PPOX: variants seen among roughly 807,000 people sequenced by gnomAD.
PPOX encodes the protein protoporphyrinogen oxidase.
PPOX carries 23 observed loss-of-function variants against 54.1 expected under a neutral mutation model. The observed-to-expected ratio is 0.43, with a 90% CI of 0.31 to 0.60. The LOEUF is 0.60. Ranked by LOEUF, PPOX falls within the 20% of genes least tolerant of loss-of-function variation. The pLI is 0.13. For synonymous variants in PPOX, 224 were observed against 236.1 expected (o/e 0.95, Z 0.47); for missense variants, 512 against 601.1 (o/e 0.85, Z 1.55).
upstream of PPOX, chr1:161,165,859 C>T: frequency 5.7e-6 from 1 of 174,006 alleles, no homozygotes; most frequent in African/African-American, 2.4e-5. Context: ...GGGGATGGTG[C>T]TGGACCCGGA....
Position 161,167,412 on chromosome 1 carries a change from G to C in PPOX, c.264G>C (p.Arg88=), listed in dbSNP as rs776697807. The C allele has an allele frequency of 1.2e-6, 2 of 1,613,834 alleles. No homozygotes were observed. The highest frequency in any genetic ancestry group is 1.7e-6 in the Non-Finnish European group (2 of 1,179,978). The change falls in exon 4 of 13, where the codon CGG becomes CGC. Residue 88 remains arginine (R), a synonymous_variant. Coordinates refer to ENST00000367999, the MANE Select transcript of PPOX (RefSeq NM_001122764.3). Reference sequence around the variant, plus strand: ...TGGATTCAGAAGTGCTGCCTGTCCGGGGAGACCACCCAGCTGCCCAGAACA... The same window carrying C: ...TGGATTCAGAAGTGCTGCCTGTCCGCGGAGACCACCCAGCTGCCCAGAACA... The part of the protein sequence containing the change: ...LGLDSEVLPV[R]GDHPAAQNRF...
Position 161,171,086 on chromosome 1 carries a change from A to G in PPOX, c.1344A>G (p.Gly448=). ...ACAGGTTGCCCCTGACTCTGGCTGG[A>G]GCCTCCTATGAGGGAGTTGCTGTTA... ...TAHRLPLTLA[G]ASYEGVAVND... is the part of the protein sequence containing the mutation. Residue 448 remains glycine, a synonymous_variant, in exon 13 of 13, where the codon GGA becomes GGG. Coordinates refer to ENST00000367999, the MANE Select transcript of PPOX (RefSeq NM_001122764.3). The G allele has an allele frequency of 6.2e-7, 1 of 1,614,092 alleles. No homozygotes were observed. The highest frequency in any genetic ancestry group is 8.5e-7 in the Non-Finnish European group (1 of 1,180,038).
chr1:161,174,820 A>G (rs1662871159), downstream of PPOX: 2 of 666,204 alleles, frequency 3.0e-6, no homozygotes, highest in East Asian at 5.5e-5. Flanking sequence ...CAGATTAAGG[A>G]AAAGTATGGG....
chr1:161,167,231 C>T lies in PPOX; in HGVS notation c.219C>T (p.Leu73=), dbSNP rs1293047678. The change falls in exon 3 of 13, where the codon CTC becomes CTT. Residue 73 remains leucine, a synonymous_variant. Transcript: ENST00000367999. ...GAGCCCTAGGGGCCCGGACCTTGCT[C>T]CTGGTGAGAGGCTTGTGGGATGTCT... is the stretch of plus-strand genomic sequence containing the variant. ...PAGALGARTL[L]LVSELGLDSE... is the part of the protein sequence containing the mutation. 28 of 1,614,114 alleles carry T rather than the reference C, an allele frequency of 1.7e-5. No homozygotes were observed. The highest frequency in any genetic ancestry group is 2.2e-5 in the Non-Finnish European group (26 of 1,180,022).
chr1:161,175,722 C>A, downstream of PPOX: 1 of 1,552,712 alleles, frequency 6.4e-7, no homozygotes. Context: ...AGTTCCACTT[C>A]TGCCACTCCA....
intron 9 of PPOX, 88 bp from the exon 10 acceptor site, chr1:161,170,321 T>TGGGGGGGCCCCC: frequency 8.2e-6 from 3 of 367,762 alleles, no homozygotes; most frequent in African/African-American, 2.9e-5. Context: ...TGAGACTCTG[T>TGGGGGGGCCCCC]CCCCCCCACC....
At chr1:161,167,035 T>C in intron 2 of PPOX, 65 bp from the exon 3 acceptor site, 2 of 1,613,386 alleles carry the variant, frequency 1.2e-6, no homozygotes, top group Non-Finnish European at 1.7e-6. Context: ...CCTCTTCCCC[T>C]CCCCTCCTGA....
chr1:161,171,807 AAGG>A (rs760228954), downstream of PPOX: 6 of 1,613,608 alleles, frequency 3.7e-6, no homozygotes, highest in African/African-American at 4.0e-5. Flanking sequence ...GGTAGACAGG[AAGG>A]AGGAGTCAGT....
downstream of PPOX, among the ~76,000 whole-genome samples, chr1:161,172,614 G>A (rs556857919): frequency 1.6e-4 from 25 of 152,308 alleles, no homozygotes; most frequent in South Asian, 2.5e-3. Context: ...TGCCCTTGCA[G>A]TCTAGGAAGG....
Position 161,167,922 on chromosome 1 carries a change from G to A in PPOX, c.339-73G>A. 6.2e-6 allele frequency: 10 copies of A among 1,610,154 alleles called. No homozygotes were observed. The South Asian group carries it at 1.1e-4, about 18-fold the overall frequency. The stretch of plus-strand genomic sequence containing the variant: ...CCAGCAAAAGGAAGCCAAATGAGTG[G>A]AAATGACCCCAGCGCCTGGAGCTGG... On this transcript the variant is annotated intron_variant, in intron 4 of 12. Transcript: ENST00000367999.
Position 161,170,664 on chromosome 1 carries a change from C to T in PPOX, c.1143C>T (p.Gly381=). The T allele has an allele frequency of 6.2e-7, 1 of 1,614,158 alleles. No individual in the cohort carries two copies. Among genetic ancestry groups the T allele is most frequent in the African/African-American group, 1.3e-5 (1 of 75,024 alleles). Residue 381 remains glycine, a synonymous_variant, in exon 11 of 13, where the codon GGC becomes GGT. Transcript: ENST00000367999. ...GGTTACAGACACTGGAGGCTAGTGG[C>T]TGTGTCTTATCTCAGGAGCTGTTTC... ...GSWLQTLEAS[G]CVLSQELFQQ...
downstream of PPOX, chr1:161,174,001 G>A (rs1452850948): frequency 1.9e-6 from 3 of 1,613,872 alleles, no homozygotes; most frequent in Non-Finnish European, 1.7e-6. Flanking sequence ...AGGGCCTCTC[G>A]CACCCCAACG....
Position 161,166,851 on chromosome 1 carries a change from G to A in PPOX, c.4G>A (p.Gly2Ser). M[G>S]RTVVVLGGGI... is the part of the protein sequence containing the mutation. ...CCCCTTTCCCCCAGGTTTCCGCATG[G>A]GCCGGACCGTGGTCGTGCTGGGCGG... The change falls in exon 2 of 13, where the codon GGC (glycine) becomes AGC (serine). Residue 2 changes from glycine to serine, a missense_variant. Transcript: ENST00000367999. The A allele has an allele frequency of 6.2e-7, 1 of 1,613,442 alleles. No individual in the cohort carries two copies. Among genetic ancestry groups the A allele is most frequent in the South Asian group, 1.1e-5 (1 of 91,086 alleles).
chr1:161,176,723 A>G (rs2101983949), intron 4 of PPOX: 1 of 736,416 alleles, frequency 1.4e-6, no homozygotes. Context: ...TCCCTCGCCT[A>G]TCTCCCGTGC....
Position 161,167,094 on chromosome 1 carries a change from C to T in PPOX, c.88-6C>T, listed in dbSNP as rs757027998. On this transcript the variant is annotated splice_polypyrimidine_tract_variant and splice_region_variant and intron_variant, in intron 2 of 12. Coordinates refer to ENST00000367999, the MANE Select transcript of PPOX (RefSeq NM_001122764.3). ...GTGCTGCAGTGTCTCTCCCTCTTGT[C>T]GCCAGGTGGTCCTAGTGGAGAGCAG... 4.3e-6 allele frequency: 7 copies of T among 1,614,198 alleles called. No individual in the cohort carries two copies. The East Asian group carries it at 1.6e-4, about 36-fold the overall frequency.
chr1:161,171,263 G>A, downstream of PPOX: 1 of 1,602,864 alleles, frequency 6.2e-7, no homozygotes, highest in Non-Finnish European at 8.5e-7. Flanking sequence ...AGAATGCGGG[G>A]CAGCAAAGAG....
downstream of PPOX, chr1:161,172,368 G>C: frequency 6.4e-7 from 1 of 1,562,370 alleles, no homozygotes; most frequent in Non-Finnish European, 8.7e-7. Flanking sequence ...GGGATCCAGA[G>C]TAGAGAAAAG....
chr1:161,174,132 G>A, downstream of PPOX: 3 of 1,459,292 alleles, frequency 2.1e-6, no homozygotes, highest in Non-Finnish European at 1.9e-6. Flanking sequence ...TGAAGGCCGG[G>A]CGCGGTGGCT....
downstream of PPOX, chr1:161,177,203 T>A: frequency 2.4e-6 from 2 of 837,554 alleles, no homozygotes; most frequent in Non-Finnish European, 3.6e-6. Flanking sequence ...TGGAGGGGGT[T>A]AAAACCCAGC....
Sources: allele counts gnomAD v4.1 joint callset (sites outside exome capture counted in the v4.1 genomes callset), GRCh38; gene constraint gnomAD v4.1.1; transcripts MANE v1.5; gene names NCBI Gene and HGNC (gene_info 2026-07-23, HGNC 2026-07-21).